Variants in TRERF1 observed in about 807,000 individuals in gnomAD.
TRERF1 encodes transcriptional regulating factor 1.
A neutral mutation model predicts 122.9 loss-of-function variants in TRERF1; 27 were observed. The observed-to-expected ratio is 0.22, with a 90% CI of 0.16 to 0.30. TRERF1 has a LOEUF of 0.30. Among genes scored for constraint, TRERF1 ranks in the 10% least tolerant of loss-of-function variants. The pLI, the probability that TRERF1 is intolerant of heterozygous loss-of-function variation, is 1.00. For synonymous variants in TRERF1, 636 were observed against 641.7 expected (o/e 0.99, Z 0.13); for missense variants, 1,248 against 1,560.3 (o/e 0.80, Z 3.37).
Position 42,334,408 on chromosome 6 carries a change from G to GT in TRERF1, c.-371+28588dup, listed in dbSNP as rs141331017. On this transcript the variant is annotated intron_variant, in intron 3 of 17. Coordinates refer to ENST00000372922, the Ensembl canonical transcript of TRERF1. ...CCCAACTCTAATAGTCTCAACAATT[G>GT]TATTACCTAACAGTATTACACAGGC... Among the ~76,000 whole-genome samples the GT allele has an allele frequency of 1.5e-3, 226 of 152,274 alleles. 2 individuals carry two copies. In the East Asian group the frequency reaches 0.037, roughly 25 times the overall value.
At chr6:42,343,985 A>G (rs1767791667) in intron 3 of TRERF1, among the ~76,000 whole-genome samples, 2 of 152,188 alleles carry the variant, frequency 1.3e-5, no homozygotes, top group South Asian at 4.1e-4. Flanking sequence ...ATCCTTCCTT[A>G]TTCCTGCCCC....
At chr6:42,436,073 A>G (rs1785300769) in intron 2 of TRERF1, among the ~76,000 whole-genome samples, 1 of 152,152 alleles carries the variant, frequency 6.6e-6, no homozygotes, top group Admixed American at 6.5e-5. Context: ...AGTCCATATG[A>G]AAGGATAATA....
chr6:42,370,006 A>G (rs1307044302), intron 2 of TRERF1, among the ~76,000 whole-genome samples: 1 of 152,134 alleles, frequency 6.6e-6, no homozygotes, highest in African/African-American at 2.4e-5. Context: ...AAGCCATACT[A>G]ACAGTTTTGC....
At chr6:42,299,118 C>CTG (rs1561938851) in intron 4 of TRERF1, among the ~76,000 whole-genome samples, 5 of 114,984 alleles carry the variant, frequency 4.3e-5, no homozygotes, top group African/African-American at 1.6e-4. Context: ...CTGTCTGTCT[C>CTG]TATCTATCTA....
At chr6:42,350,141 C>G (rs73733153) in intron 3 of TRERF1, among the ~76,000 whole-genome samples, 6,073 of 152,182 alleles carry the variant, frequency 0.04, 305 homozygotes, top group East Asian at 0.18. Flanking sequence ...CCACCCGACG[C>G]AGGTCAGTGC....
chr6:42,240,088 G>A (rs183068909), intron 15 of TRERF1, among the ~76,000 whole-genome samples: 182 of 152,276 alleles, frequency 1.2e-3, no homozygotes, highest in Middle Eastern at 0.01. Flanking sequence ...CAGGCAGTCC[G>A]AGACGGTGCC....
intron 2 of TRERF1, among the ~76,000 whole-genome samples, chr6:42,409,355 T>A (rs1473721770): frequency 1.3e-5 from 2 of 152,226 alleles, no homozygotes; most frequent in Non-Finnish European, 2.9e-5. Flanking sequence ...TGCTTTATCC[T>A]ACTATTGTAC....
At position 42,263,500 on chromosome 6, in the gene TRERF1, C is replaced by A. The variant is rs754339041; in HGVS notation, c.1704G>T (p.Pro568=). The A allele has an allele frequency of 6.4e-7, 1 of 1,573,734 alleles. No individual in the cohort carries two copies. The highest frequency in any genetic ancestry group is 8.6e-7 in the Non-Finnish European group (1 of 1,157,138). ...CTGCCTCGGGAGGGAGCTGTGGTGG[C>A]GGCGGAGGCGGAGGCGGAGGCGGCA... Residue 568 remains proline (P), a synonymous_variant, in exon 8 of 18, where the codon CCG becomes CCT. Coordinates refer to ENST00000372922, the Ensembl canonical transcript of TRERF1. The surrounding 1 kb of genome is among the most constrained non-coding windows in gnomAD (Gnocchi z 5.6).
intron 3 of TRERF1, among the ~76,000 whole-genome samples, chr6:42,341,374 T>C (rs1581687268): frequency 6.6e-6 from 1 of 152,294 alleles, no homozygotes; most frequent in East Asian, 1.9e-4. Context: ...CACTCAAGAA[T>C]CACATTCAAC....
At chr6:42,373,159 G>A (rs1013068347) in intron 2 of TRERF1, among the ~76,000 whole-genome samples, 1 of 152,216 alleles carries the variant, frequency 6.6e-6, no homozygotes, top group Admixed American at 6.5e-5. Context: ...TGGTGTGGCC[G>A]GGGCACTTTC....
intron 15 of TRERF1, among the ~76,000 whole-genome samples, chr6:42,242,171 C>T (rs980005133): frequency 6.7e-4 from 102 of 152,308 alleles, no homozygotes; most frequent in African/African-American, 2.0e-3. Context: ...CGCTCAGCAG[C>T]TGTGTGACTA....
chr6:42,262,207 T>C (rs1179691362), intron 8 of TRERF1, among the ~76,000 whole-genome samples: 1 of 152,098 alleles, frequency 6.6e-6, no homozygotes, highest in African/African-American at 2.4e-5. Context: ...CTCCATCAGT[T>C]TCTCTTCTTT....
chr6:42,269,006 C>T lies in TRERF1; in HGVS notation c.585G>A (p.Pro195=), dbSNP rs202117276. The change falls in exon 5 of 18, where the codon CCG becomes CCA. Residue 195 remains proline, a synonymous_variant. Coordinates refer to ENST00000372922, the Ensembl canonical transcript of TRERF1. The surrounding 1 kb of genome is among the most constrained non-coding windows in gnomAD (Gnocchi z 4.9). ...CCTGCTGGTAGCGGGAAGGGATAGC[C>T]GGTGCTGGGGGCTCCATGGGCTTCT... The T allele has an allele frequency of 2.9e-5, 46 of 1,613,440 alleles. No individual in the cohort carries two copies. The East Asian group carries it at 6.0e-4, about 21-fold the overall frequency.
rs1260836299 is a variant in TRERF1 at position 42,272,928 on chromosome 6, A to G, written c.-258-3080T>C. ...GTCACCACGTCCATATTCAAAGGCA[A>G]TTCAACATCATCTCTCCCAAACTGG... On this transcript the variant is annotated intron_variant, in intron 4 of 17. Transcript: ENST00000372922. Among the ~76,000 whole-genome samples, 8 of 152,090 alleles carry G rather than the reference A, an allele frequency of 5.3e-5. No individual in the cohort carries two copies. The South Asian group carries it at 1.5e-3, about 28-fold the overall frequency.
At chr6:42,299,130 C>G (rs1464354274) in intron 4 of TRERF1, among the ~76,000 whole-genome samples, 20 of 129,558 alleles carry the variant, frequency 1.5e-4, no homozygotes, top group African/African-American at 5.4e-4. Flanking sequence ...ATCTATCTAT[C>G]TATCTACATA....
chr6:42,278,520 C>T (rs1222104224), intron 4 of TRERF1, among the ~76,000 whole-genome samples: 1 of 152,172 alleles, frequency 6.6e-6, no homozygotes, highest in Non-Finnish European at 1.5e-5. Context: ...ACACTTACCG[C>T]ACCTTTCAGC....
At position 42,363,699 on chromosome 6, in the gene TRERF1, G is replaced by A. The variant is rs1772207001; in HGVS notation, c.-453-620C>T. Among the ~76,000 whole-genome samples the A allele has an allele frequency of 2.0e-5, 3 of 152,186 alleles. No homozygotes were observed. In the South Asian group the frequency reaches 6.2e-4, roughly 32 times the overall value. Reference sequence around the variant, plus strand: ...AGACGAGGTCCTACTGAAGTAGGATGGGGGTTCCTAATCCAAAATGACTCT... The same window carrying A: ...AGACGAGGTCCTACTGAAGTAGGATAGGGGTTCCTAATCCAAAATGACTCT... On this transcript the variant is annotated intron_variant, in intron 2 of 17. Coordinates refer to ENST00000372922, the Ensembl canonical transcript of TRERF1.
chr6:42,329,300 TG>T (rs1037709608), intron 3 of TRERF1, among the ~76,000 whole-genome samples: 16 of 152,060 alleles, frequency 1.1e-4, no homozygotes, highest in African/African-American at 3.9e-4. Flanking sequence ...CAGGGTGGGG[TG>T]GGGGCTTGCT....
intron 16 of TRERF1, among the ~76,000 whole-genome samples, chr6:42,233,328 C>T (rs1348842917): frequency 6.7e-6 from 1 of 149,706 alleles, no homozygotes; most frequent in Non-Finnish European, 1.5e-5. Context: ...CTCTGTCACC[C>T]AGGCTGGAGT....
Sources: allele counts gnomAD v4.1 joint callset (sites outside exome capture counted in the v4.1 genomes callset), GRCh38; gene constraint gnomAD v4.1.1; non-coding constraint Gnocchi (gnomAD v3.1); transcripts MANE v1.5; gene names NCBI Gene and HGNC (gene_info 2026-07-23, HGNC 2026-07-21).